Variants in KLHL1 observed in about 807,000 individuals in gnomAD.
KLHL1 encodes kelch-like protein 1.
Under a neutral mutation model 77.7 loss-of-function variants are expected in KLHL1, and 47 were observed. The ratio of observed to expected loss-of-function variants is 0.60; its 90% CI spans 0.48 to 0.77. KLHL1 has a LOEUF of 0.77. Among genes scored for constraint, KLHL1 ranks in the 30% least tolerant of loss-of-function variants. The probability of loss-of-function intolerance (pLI) is 0.00; values close to 1 mark genes in which losing one functional copy is unlikely to be tolerated. For missense variants in KLHL1, 925 were observed against 910.8 expected (o/e 1.02, Z -0.20); for synonymous variants, 360 against 325.2 (o/e 1.11, Z -1.15).
chr13:69,842,410 C>T (rs1180681692), intron 5 of KLHL1, among the ~76,000 whole-genome samples: 2 of 151,728 alleles, frequency 1.3e-5, no homozygotes, highest in African/African-American at 4.8e-5. Flanking sequence ...CTAAAGAAAA[C>T]ATACAAATGG....
At chr13:70,055,287 C>T (rs1309878402) in intron 1 of KLHL1, among the ~76,000 whole-genome samples, 1 of 151,998 alleles carries the variant, frequency 6.6e-6, no homozygotes, top group Non-Finnish European at 1.5e-5. Flanking sequence ...ATTTGATGTG[C>T]TGAAGGAAAA....
At position 69,975,649 on chromosome 13, in the gene KLHL1, A is replaced by G. The variant is rs756392374; in HGVS notation, c.651T>C (p.Ile217=). 4.3e-6 allele frequency: 7 copies of G among 1,613,372 alleles called. No individual in the cohort carries two copies. Among genetic ancestry groups the G allele is most frequent in the South Asian group, 1.1e-5 (1 of 91,050 alleles). Residue 217 remains isoleucine, a synonymous_variant, in exon 2 of 11, where the codon ATT becomes ATC. Coordinates refer to ENST00000377844, the MANE Select transcript of KLHL1 (RefSeq NM_020866.3). The part of the protein sequence containing the change: ...KQQQLCDVIL[I]VGNRKIPAHR... ...GTGCAGGTATCTTTCGGTTCCCAACAATCAGGATAACATCACAAAGTTGCT... is the reference window on the plus strand; with the variant it reads ...GTGCAGGTATCTTTCGGTTCCCAACGATCAGGATAACATCACAAAGTTGCT...
At chr13:69,897,972 A>G (rs1003726020) in intron 4 of KLHL1, among the ~76,000 whole-genome samples, 3 of 152,206 alleles carry the variant, frequency 2.0e-5, no homozygotes, top group African/African-American at 7.2e-5. Context: ...TCAACTGACA[A>G]ATTCCTCACC....
intron 7 of KLHL1, among the ~76,000 whole-genome samples, chr13:69,775,520 A>T (rs1875782736): frequency 6.6e-6 from 1 of 152,156 alleles, no homozygotes; most frequent in Non-Finnish European, 1.5e-5. Context: ...CACAAAAAAC[A>T]AGAACTGTTT....
At chr13:69,845,222 T>C (rs1245776236) in intron 5 of KLHL1, among the ~76,000 whole-genome samples, 1 of 150,264 alleles carries the variant, frequency 6.7e-6, no homozygotes, top group African/African-American at 2.4e-5. Context: ...AGGCTTTGTA[T>C]AGGTAGTGTT....
intron 1 of KLHL1, among the ~76,000 whole-genome samples, chr13:70,024,261 AT>A (rs777283424): frequency 6.6e-6 from 1 of 151,944 alleles, no homozygotes; most frequent in Non-Finnish European, 1.5e-5. Flanking sequence ...TTGAACTTTA[AT>A]TTTTAAAGTT....
intron 4 of KLHL1, among the ~76,000 whole-genome samples, chr13:69,930,556 C>A (rs1347499809): frequency 6.6e-6 from 1 of 151,772 alleles, no homozygotes; most frequent in Non-Finnish European, 1.5e-5. Flanking sequence ...CCAAAGAATA[C>A]AAAACTATAT....
At chr13:69,720,463 A>G (rs1872993912) in intron 8 of KLHL1, among the ~76,000 whole-genome samples, 1 of 151,928 alleles carries the variant, frequency 6.6e-6, no homozygotes, top group Non-Finnish European at 1.5e-5. Flanking sequence ...ACAAAACAGG[A>G]AAAAAAATCC....
chr13:69,807,122 C>T (rs1205105819), intron 6 of KLHL1, among the ~76,000 whole-genome samples: 1 of 152,154 alleles, frequency 6.6e-6, no homozygotes, highest in Non-Finnish European at 1.5e-5. Context: ...CAAGGACTGA[C>T]AGAGAAACCA....
chr13:69,752,784 A>T (rs1874544081), intron 7 of KLHL1, among the ~76,000 whole-genome samples: 3 of 152,194 alleles, frequency 2.0e-5, no homozygotes, highest in Admixed American at 1.3e-4. Context: ...GAACATAGAA[A>T]AAAACTCAGG....
intron 4 of KLHL1, among the ~76,000 whole-genome samples, chr13:69,886,534 A>G (rs952797691): frequency 1.3e-5 from 2 of 151,788 alleles, no homozygotes; most frequent in African/African-American, 4.8e-5. Context: ...TTAGAAATAT[A>G]AATTTTTATA....
chr13:69,950,483 A>AT (rs1164326332), intron 3 of KLHL1, among the ~76,000 whole-genome samples: 1 of 151,518 alleles, frequency 6.6e-6, no homozygotes, highest in African/African-American at 2.4e-5. Flanking sequence ...AACTCCATAG[A>AT]TTTTTTCCAC....
intron 1 of KLHL1, among the ~76,000 whole-genome samples, chr13:70,068,859 G>C (rs1887074802): frequency 6.6e-6 from 1 of 152,086 alleles, no homozygotes; most frequent in Admixed American, 6.5e-5. Context: ...TCTCGTCGTG[G>C]GGGAGGAGGC....
intron 5 of KLHL1, among the ~76,000 whole-genome samples, chr13:69,868,056 G>GA (rs1421406167): frequency 7.0e-4 from 106 of 151,826 alleles, no homozygotes; most frequent in African/African-American, 2.4e-3. Flanking sequence ...AATAATTTTG[G>GA]AAAAAATATT....
chr13:69,796,635 C>T, intron 7 of KLHL1, 103 bp downstream of exon 7: 3 of 892,804 alleles, frequency 3.4e-6, no homozygotes, highest in Non-Finnish European at 3.4e-6. Context: ...TCCTTTATCG[C>T]AACACAAATT....
chr13:69,769,273 A>AC lies in KLHL1; in HGVS notation c.1639+27464dup, dbSNP rs1238962581. On this transcript the variant is annotated intron_variant, in intron 7 of 10. Coordinates refer to ENST00000377844, the MANE Select transcript of KLHL1 (RefSeq NM_020866.3). ...AGTCTGGGTAGAGGCAACAGCTTTT[A>AC]CAAAGTAGGTTATAAAACTGCTTTG... Among the ~76,000 whole-genome samples the AC allele has an allele frequency of 2.6e-5, 4 of 152,226 alleles. No homozygotes were observed. The South Asian group carries it at 8.3e-4, about 31-fold the overall frequency.
intron 1 of KLHL1, among the ~76,000 whole-genome samples, chr13:70,044,875 A>T (rs1886457722): frequency 6.6e-6 from 1 of 152,190 alleles, no homozygotes; most frequent in African/African-American, 2.4e-5. Flanking sequence ...GCACACCAGG[A>T]GTTATAGAAC....
chr13:69,787,615 C>G (rs1476638725), intron 7 of KLHL1, among the ~76,000 whole-genome samples: 1 of 152,112 alleles, frequency 6.6e-6, no homozygotes, highest in South Asian at 2.1e-4. Context: ...GACTTCATGT[C>G]TAAAACACCA....
intron 5 of KLHL1, among the ~76,000 whole-genome samples, chr13:69,843,842 A>C (rs1879357532): frequency 6.6e-6 from 1 of 151,678 alleles, no homozygotes. Context: ...TCTAGGGTAC[A>C]TGTGCACAAT....
Sources: gnomAD v4.1 joint callset for allele counts (sites outside exome capture counted in the v4.1 genomes callset) on GRCh38, gnomAD v4.1.1 for gene constraint, MANE v1.5 for transcripts, NCBI Gene and HGNC (gene_info 2026-07-23, HGNC 2026-07-21) for gene names.